THRB: variants seen among roughly 807,000 people sequenced by gnomAD.
The protein encoded by THRB is thyroid hormone receptor beta, also known as nuclear receptor subfamily 1 group A member 2.
A neutral mutation model predicts 47.8 loss-of-function variants in THRB; 12 were observed. The ratio of observed to expected loss-of-function variants is 0.25; its 90% confidence interval spans 0.16 to 0.41. The LOEUF (loss-of-function observed/expected upper bound fraction) is 0.41, where lower values mean the gene tolerates loss of function less well. Among genes scored for constraint, THRB ranks in the 10% least tolerant of loss-of-function variants. The probability of loss-of-function intolerance (pLI) is 1.00; values close to 1 mark genes in which losing one functional copy is unlikely to be tolerated. For synonymous variants in THRB, 218 were observed against 212.2 expected (o/e 1.03, Z -0.24); for missense variants, 348 against 589.2 (o/e 0.59, Z 4.24).
At chr3:24,150,969 T>C (rs1274536981) in intron 6 of THRB, among the ~76,000 whole-genome samples, 3 of 152,214 alleles carry the variant, frequency 2.0e-5, no homozygotes, top group Non-Finnish European at 2.9e-5. Context: ...TTCAAGAGAC[T>C]GTCTGCAAGT....
intron 6 of THRB, among the ~76,000 whole-genome samples, chr3:24,147,453 C>A (rs1447339740): frequency 6.6e-6 from 1 of 152,040 alleles, no homozygotes; most frequent in Non-Finnish European, 1.5e-5. Flanking sequence ...CAAGTTTTTC[C>A]CCATAGCTCA....
intron 1 of THRB, among the ~76,000 whole-genome samples, chr3:24,487,449 T>C (rs972639521): frequency 2.0e-5 from 3 of 152,114 alleles, no homozygotes; most frequent in Admixed American, 6.6e-5. Flanking sequence ...AGTATAAAAA[T>C]AGGCTCTGGA....
intron 5 of THRB, among the ~76,000 whole-genome samples, chr3:24,175,423 T>TAA (rs766839154): frequency 2.6e-5 from 4 of 152,196 alleles, no homozygotes; most frequent in Non-Finnish European, 4.4e-5. Context: ...AGGCAAATCA[T>TAA]AAAGTCTTCT....
intron 3 of THRB, among the ~76,000 whole-genome samples, chr3:24,248,004 C>T (rs1034905870): frequency 6.6e-6 from 1 of 151,674 alleles, no homozygotes; most frequent in Admixed American, 6.6e-5. Context: ...ACATGGCCAA[C>T]CCTGTATCAG....
intron 1 of THRB, among the ~76,000 whole-genome samples, chr3:24,415,062 A>T (rs1431297833): frequency 1.3e-5 from 2 of 151,852 alleles, no homozygotes; most frequent in African/African-American, 4.8e-5. Context: ...CCAAAAATGT[A>T]TACTGAAGAA....
chr3:24,416,641 C>T (rs1196820006), intron 1 of THRB, among the ~76,000 whole-genome samples: 4 of 151,862 alleles, frequency 2.6e-5, no homozygotes, highest in African/African-American at 7.2e-5. Flanking sequence ...CTGTATTAAT[C>T]GAGCAACCTA....
intron 3 of THRB, among the ~76,000 whole-genome samples, chr3:24,241,187 C>T (rs1344808302): frequency 6.6e-6 from 1 of 152,216 alleles, no homozygotes; most frequent in Admixed American, 6.5e-5. Context: ...TTGCACTCTG[C>T]TTACTTGTAA....
intron 1 of THRB, among the ~76,000 whole-genome samples, chr3:24,376,170 G>A (rs1247869172): frequency 6.6e-6 from 1 of 152,148 alleles, no homozygotes; most frequent in African/African-American, 2.4e-5. Context: ...ATGGAGAAAG[G>A]GACGTAAACA....
At chr3:24,265,905 C>T (rs528371899) in intron 3 of THRB, among the ~76,000 whole-genome samples, 1 of 152,066 alleles carries the variant, frequency 6.6e-6, no homozygotes, top group Non-Finnish European at 1.5e-5. Flanking sequence ...GAACTATGCA[C>T]AGATAAGCAA....
intron 2 of THRB, among the ~76,000 whole-genome samples, chr3:24,311,637 C>CT (rs2057767145): frequency 6.6e-6 from 1 of 152,120 alleles, no homozygotes. Context: ...TCTTATTGTT[C>CT]TTTTCATTTC....
chr3:24,184,372 C>T (rs2042298124), intron 5 of THRB, among the ~76,000 whole-genome samples: 1 of 152,212 alleles, frequency 6.6e-6, no homozygotes, highest in Non-Finnish European at 1.5e-5. Flanking sequence ...CGTCTGCATC[C>T]TTTGGCGTGA....
intron 3 of THRB, among the ~76,000 whole-genome samples, chr3:24,269,276 ACCACACACACAC>A (rs1559782420): frequency 9.3e-6 from 1 of 107,658 alleles, no homozygotes; most frequent in African/African-American, 3.7e-5. Flanking sequence ...AAATGGATAC[ACCACACACACAC>A]ACACACACAC....
At chr3:24,195,252 C>T (rs942251634) in intron 4 of THRB, among the ~76,000 whole-genome samples, 3 of 152,168 alleles carry the variant, frequency 2.0e-5, no homozygotes, top group Non-Finnish European at 2.9e-5. Flanking sequence ...ACTTTATCTT[C>T]ACAAACATCC....
Position 24,356,883 on chromosome 3 carries a change from C to T in THRB, c.-260-19512G>A, listed in dbSNP as rs140781738. 2.2e-3 allele frequency among the ~76,000 whole-genome samples: 336 copies of T among 152,224 alleles called. 2 individuals are homozygous for T. Among genetic ancestry groups the T allele is most frequent in the African/African-American group, 7.6e-3 (314 of 41,562 alleles). ...TTCCTTCTCCCACCCTCCTGTCAGA[C>T]TCCCTTACACCAAAGATGGTCTCTG... On this transcript the variant is annotated intron_variant, in intron 1 of 10. Transcript: ENST00000646209.
In THRB at chr3:24,225,982, A is replaced by G. The variant is rs143335248; in HGVS notation, c.22+2956T>C. On this transcript the variant is annotated intron_variant, in intron 4 of 10. Transcript: ENST00000646209. ...GACTCTACTGTAGCTTATATTAAGT[A>G]ACCTCAAAAAATAAACAATTATTCA... Among the ~76,000 whole-genome samples, 263 of 152,324 alleles carry G rather than the reference A, an allele frequency of 1.7e-3. 5 individuals carry two copies. Among genetic ancestry groups the G allele is most frequent in the African/African-American group, 5.9e-3 (245 of 41,572 alleles).
intron 1 of THRB, among the ~76,000 whole-genome samples, chr3:24,349,090 A>G (rs964373206): frequency 6.6e-6 from 1 of 152,156 alleles, no homozygotes; most frequent in Non-Finnish European, 1.5e-5. Context: ...AGAAAATAAA[A>G]TTCAGTAAAT....
intron 1 of THRB, among the ~76,000 whole-genome samples, chr3:24,454,100 T>C (rs1454980024): frequency 1.3e-5 from 2 of 152,146 alleles, no homozygotes; most frequent in East Asian, 1.9e-4. Flanking sequence ...ATCTTGAATA[T>C]ACAAAAAACT....
At chr3:24,423,415 A>C (rs776380581) in intron 1 of THRB, among the ~76,000 whole-genome samples, 12 of 151,646 alleles carry the variant, frequency 7.9e-5, no homozygotes, top group African/African-American at 1.7e-4. Context: ...GTCTCCCAGC[A>C]CTGAGATTTT....
chr3:24,313,652 A>C (rs2057911778), intron 2 of THRB, among the ~76,000 whole-genome samples: 1 of 152,180 alleles, frequency 6.6e-6, no homozygotes. Context: ...ATTAAGTATT[A>C]CCTTAAAATG....
Sources: gnomAD v4.1 joint callset for allele counts (sites outside exome capture counted in the v4.1 genomes callset) on GRCh38, gnomAD v4.1.1 for gene constraint, MANE v1.5 for transcripts, NCBI Gene and HGNC (gene_info 2026-07-23, HGNC 2026-07-21) for gene names.